Variants in PVT1 observed in about 807,000 individuals in gnomAD.
PVT1 encodes the protein CXCR4/PVT1 fusion.
chr8:128,094,797 G>T (rs1814404621), intron 5 of PVT1, among the ~76,000 whole-genome samples: 1 of 152,174 alleles, frequency 6.6e-6, no homozygotes, highest in African/African-American at 2.4e-5. Flanking sequence ...ATCTGAACCA[G>T]TACCATGCCC....
intron 5 of PVT1, among the ~76,000 whole-genome samples, chr8:128,086,832 T>C (rs912062511): frequency 3.3e-5 from 5 of 152,234 alleles, no homozygotes; most frequent in Admixed American, 6.5e-5. Flanking sequence ...TTGGGCTGCA[T>C]GGCTGGCTCT....
intron 3 of PVT1, among the ~76,000 whole-genome samples, chr8:127,914,298 A>AAAAAAAAAAAT (rs1815952550): frequency 6.9e-6 from 1 of 144,088 alleles, no homozygotes; most frequent in Non-Finnish European, 1.5e-5. Flanking sequence ...AAAAAAAAAA[A>AAAAAAAAAAAT]AAGGCAGAAA....
At chr8:127,990,482 A>G (rs1001657392) in intron 4 of PVT1, among the ~76,000 whole-genome samples, 13 of 152,252 alleles carry the variant, frequency 8.5e-5, no homozygotes, top group African/African-American at 3.1e-4. Context: ...GAATGAGGTC[A>G]GTTGCAATTT....
At chr8:127,989,312 G>C (rs916306099) in intron 4 of PVT1, 16 of 152,040 alleles carry the variant, frequency 1.1e-4, no homozygotes, top group African/African-American at 1.7e-4. Context: ...TTATCTTCCT[G>C]ATCCTTGTGA....
intron 3 of PVT1, among the ~76,000 whole-genome samples, chr8:127,963,966 G>T (rs1048194522): frequency 6.6e-6 from 1 of 152,218 alleles, no homozygotes; most frequent in African/African-American, 2.4e-5. Flanking sequence ...AGTAACGTTT[G>T]TCAGGGGTTG....
At chr8:128,016,629 A>G (rs377144849) in intron 4 of PVT1, among the ~76,000 whole-genome samples, 2 of 152,200 alleles carry the variant, frequency 1.3e-5, no homozygotes, top group Admixed American at 1.3e-4. Flanking sequence ...TGTTTTCACT[A>G]CAAAGGAGAC....
intron 3 of PVT1, among the ~76,000 whole-genome samples, chr8:127,893,543 G>A (rs938521349): frequency 2.0e-5 from 3 of 152,258 alleles, no homozygotes; most frequent in Non-Finnish European, 4.4e-5. Context: ...CACCTTGCCC[G>A]GTCTGTTTTA....
chr8:127,996,814 G>A (rs17198665), intron 4 of PVT1, among the ~76,000 whole-genome samples: 2,923 of 152,200 alleles, frequency 0.019, 41 homozygotes, highest in South Asian at 0.035. Context: ...CAGGGAGGTA[G>A]CACTTCTGTG....
chr8:127,962,156 G>A (rs144454403), intron 3 of PVT1, among the ~76,000 whole-genome samples: 107 of 152,268 alleles, frequency 7.0e-4, no homozygotes, highest in African/African-American at 2.4e-3. Flanking sequence ...CAGTACAGAC[G>A]GGGTTTCACC....
chr8:128,028,674 G>A (rs533948457), intron 4 of PVT1, among the ~76,000 whole-genome samples: 1 of 152,176 alleles, frequency 6.6e-6, no homozygotes, highest in African/African-American at 2.4e-5. Context: ...CACAGTGAAG[G>A]GTGATGAATA....
At chr8:127,927,965 G>A (rs1586440005) in intron 3 of PVT1, among the ~76,000 whole-genome samples, 1 of 152,202 alleles carries the variant, frequency 6.6e-6, no homozygotes, top group East Asian at 1.9e-4. Flanking sequence ...GGGTGAGAAG[G>A]GCTGTCGTCC....
chr8:128,029,168 T>G (rs1198583788), intron 4 of PVT1, among the ~76,000 whole-genome samples: 2 of 151,952 alleles, frequency 1.3e-5, no homozygotes, highest in Admixed American at 6.5e-5. Context: ...TTTTATTTTT[T>G]GTAGAGTGCA....
At chr8:128,072,159 G>A (rs1022171768) in intron 5 of PVT1, among the ~76,000 whole-genome samples, 29 of 152,134 alleles carry the variant, frequency 1.9e-4, no homozygotes, top group African/African-American at 5.6e-4. Flanking sequence ...TTCTGGCTCC[G>A]AAACTGGGCT....
intron 3 of PVT1, among the ~76,000 whole-genome samples, chr8:127,971,926 T>A (rs1816768267): frequency 6.6e-6 from 1 of 152,204 alleles, no homozygotes; most frequent in South Asian, 2.1e-4. Context: ...CAAGTGAGAC[T>A]GTCAGGCAGA....
intron 4 of PVT1, among the ~76,000 whole-genome samples, chr8:128,010,812 A>G (rs1280224517): frequency 6.6e-6 from 1 of 152,126 alleles, no homozygotes; most frequent in South Asian, 2.1e-4. Flanking sequence ...AATCACACAC[A>G]CTTGATCTCA....
chr8:127,980,445 G>A (rs1046481673), intron 3 of PVT1, among the ~76,000 whole-genome samples: 8 of 152,164 alleles, frequency 5.3e-5, no homozygotes, highest in Admixed American at 2.6e-4. Flanking sequence ...GTGACTTCCT[G>A]GACGATGGGC....
At chr8:127,930,348 G>A (rs992885070) in intron 3 of PVT1, among the ~76,000 whole-genome samples, 2 of 152,148 alleles carry the variant, frequency 1.3e-5, no homozygotes, top group Non-Finnish European at 2.9e-5. Context: ...TAGTAGAGAC[G>A]AAGTTTTGCC....
At chr8:128,081,691 C>T (rs893027500) in intron 5 of PVT1, among the ~76,000 whole-genome samples, 2 of 152,204 alleles carry the variant, frequency 1.3e-5, no homozygotes, top group Non-Finnish European at 2.9e-5. Context: ...TCCATGGCAC[C>T]GTGAGTATAA....
intron 2 of PVT1, among the ~76,000 whole-genome samples, chr8:127,841,461 A>AG (rs915660349): frequency 6.6e-6 from 1 of 151,854 alleles, no homozygotes; most frequent in African/African-American, 2.4e-5. Flanking sequence ...TTTAGTAGAG[A>AG]GGGGGTTTTG....
Sources: allele counts gnomAD v4.1 joint callset (sites outside exome capture counted in the v4.1 genomes callset), GRCh38; gene constraint gnomAD v4.1.1; transcripts MANE v1.5; gene names NCBI Gene and HGNC (gene_info 2026-07-23, HGNC 2026-07-21).